Variants in KCNMA1 observed in about 807,000 individuals in gnomAD.
The protein encoded by KCNMA1 is potassium calcium-activated channel subfamily M alpha 1.
KCNMA1 carries 29 observed loss-of-function variants against 140.0 expected under a neutral mutation model. That is an observed-to-expected ratio of 0.21 (90% CI 0.15 to 0.28). The LOEUF (loss-of-function observed/expected upper bound fraction) is 0.28. KCNMA1 is among the 10% of genes least tolerant of loss of function. The probability of loss-of-function intolerance (pLI) is 1.00; values close to 1 mark genes in which losing one functional copy is unlikely to be tolerated. For missense variants in KCNMA1, 880 were observed against 1,602.2 expected (o/e 0.55, Z 7.70); for synonymous variants, 612 against 611.9 (o/e 1.00, Z 0.00).
At chr10:77,472,117 C>T (rs1024995125) in intron 1 of KCNMA1, among the ~76,000 whole-genome samples, 6 of 150,894 alleles carry the variant, frequency 4.0e-5, no homozygotes, top group East Asian at 2.0e-4. Flanking sequence ...CCACACACCA[C>T]GCATTCTGCA....
At chr10:76,947,354 C>T (rs923289486) in intron 22 of KCNMA1, among the ~76,000 whole-genome samples, 5 of 151,962 alleles carry the variant, frequency 3.3e-5, no homozygotes, top group African/African-American at 1.2e-4. Context: ...AACAAACAAA[C>T]AAAAACAAAC....
At chr10:77,059,924 A>G (rs2095675094) in intron 14 of KCNMA1, among the ~76,000 whole-genome samples, 1 of 152,188 alleles carries the variant, frequency 6.6e-6, no homozygotes, top group Admixed American at 6.5e-5. Flanking sequence ...ACATACCACC[A>G]ATGAACAATT....
chr10:77,084,135 T>A (rs1482452276), intron 12 of KCNMA1, among the ~76,000 whole-genome samples: 1 of 151,980 alleles, frequency 6.6e-6, no homozygotes, highest in East Asian at 1.9e-4. Context: ...CAATTCTCTG[T>A]TTTGGGGGCT....
intron 19 of KCNMA1, among the ~76,000 whole-genome samples, chr10:76,978,788 A>G (rs1043545479): frequency 6.6e-6 from 1 of 152,180 alleles, no homozygotes; most frequent in African/African-American, 2.4e-5. Flanking sequence ...GCTCACACCC[A>G]TGGCTACAGC....
intron 5 of KCNMA1, among the ~76,000 whole-genome samples, chr10:77,131,553 C>T (rs1321283235): frequency 1.3e-5 from 2 of 152,032 alleles, no homozygotes; most frequent in South Asian, 2.1e-4. Context: ...GAGTGGTTAC[C>T]TTTGTGGGGT....
At chr10:77,115,078 TAA>T (rs1362511995) in intron 6 of KCNMA1, among the ~76,000 whole-genome samples, 2 of 152,258 alleles carry the variant, frequency 1.3e-5, no homozygotes, top group Admixed American at 1.3e-4. Flanking sequence ...TTATGTATAC[TAA>T]GTCATTTAAT....
chr10:77,542,965 A>G (rs1336506467), intron 1 of KCNMA1, among the ~76,000 whole-genome samples: 3 of 152,284 alleles, frequency 2.0e-5, no homozygotes, highest in Middle Eastern at 3.4e-3. Context: ...ATTGAGAACT[A>G]TTAGAAAAAG....
At chr10:77,439,121 A>C (rs898119913) in intron 1 of KCNMA1, among the ~76,000 whole-genome samples, 1 of 145,166 alleles carries the variant, frequency 6.9e-6, no homozygotes, top group Admixed American at 6.9e-5. Flanking sequence ...AGAAGAGAAG[A>C]GAAGAGAAGA....
At position 77,049,310 on chromosome 10, in the gene KCNMA1, T is replaced by C. The variant is rs1327270724; in HGVS notation, c.1750-9673A>G. Among the ~76,000 whole-genome samples, 6 of 152,220 alleles carry C rather than the reference T, an allele frequency of 3.9e-5. No individual in the cohort carries two copies. The South Asian group carries it at 1.2e-3, about 31-fold the overall frequency. On this transcript the variant is annotated intron_variant, in intron 14 of 27. Coordinates refer to ENST00000286628, the MANE Select transcript of KCNMA1 (RefSeq NM_001161352.2). The stretch of plus-strand genomic sequence containing the variant: ...TCCTCATTTCACCAATGTGCTGTGC[T>C]GTCCCTGCCTTAATGGGAATAGTAA...
At chr10:77,459,882 A>G (rs2097829660) in intron 1 of KCNMA1, among the ~76,000 whole-genome samples, 1 of 152,232 alleles carries the variant, frequency 6.6e-6, no homozygotes, top group African/African-American at 2.4e-5. Context: ...AAGTGGACAC[A>G]ATAACAATAA....
intron 2 of KCNMA1, among the ~76,000 whole-genome samples, chr10:77,335,866 C>T (rs1312235369): frequency 5.3e-5 from 8 of 152,156 alleles, no homozygotes; most frequent in Non-Finnish European, 1.0e-4. Flanking sequence ...AGGTCTGACT[C>T]CAAGACCCAT....
intron 2 of KCNMA1, among the ~76,000 whole-genome samples, chr10:77,251,907 C>T (rs12778094): frequency 0.18 from 27,596 of 152,098 alleles, 2,746 homozygotes; most frequent in Middle Eastern, 0.23. Context: ...TTGAAGATCA[C>T]AAATTTGCTC....
intron 2 of KCNMA1, among the ~76,000 whole-genome samples, chr10:77,392,294 T>G (rs529271553): frequency 7.2e-5 from 8 of 111,668 alleles, no homozygotes; most frequent in Non-Finnish European, 1.1e-4. Flanking sequence ...GGAAGGAAGG[T>G]AAGGGAGGCA....
intron 2 of KCNMA1, among the ~76,000 whole-genome samples, chr10:77,260,618 A>C (rs912735026): frequency 2.0e-5 from 3 of 152,190 alleles, no homozygotes; most frequent in Non-Finnish European, 4.4e-5. Context: ...CTGAGGCATG[A>C]AAATTGCTTG....
At chr10:77,390,759 C>A (rs886377208) in intron 2 of KCNMA1, among the ~76,000 whole-genome samples, 1 of 152,196 alleles carries the variant, frequency 6.6e-6, no homozygotes, top group East Asian at 1.9e-4. Flanking sequence ...CTGGGCAAGT[C>A]GGGGCTCAGA....
chr10:77,477,843 T>A (rs1343035781), intron 1 of KCNMA1, among the ~76,000 whole-genome samples: 1 of 152,336 alleles, frequency 6.6e-6, no homozygotes, highest in East Asian at 1.9e-4. Flanking sequence ...AAGAAACTGC[T>A]ATTTTTAGGA....
chr10:77,562,305 C>A (rs1041292523), intron 1 of KCNMA1, among the ~76,000 whole-genome samples: 9 of 152,118 alleles, frequency 5.9e-5, no homozygotes, highest in Non-Finnish European at 1.0e-4. Context: ...TTAGTAAGCA[C>A]CTGAATTTTG....
chr10:77,428,836 T>C (rs536166750), intron 1 of KCNMA1, among the ~76,000 whole-genome samples: 43 of 152,198 alleles, frequency 2.8e-4, no homozygotes, highest in Non-Finnish European at 6.0e-4. Flanking sequence ...AGCCAGATAG[T>C]CTTCTTGGAA....
At chr10:77,412,820 AG>A (rs1473427183) in intron 1 of KCNMA1, among the ~76,000 whole-genome samples, 1 of 152,176 alleles carries the variant, frequency 6.6e-6, no homozygotes, top group Non-Finnish European at 1.5e-5. Context: ...CCTGAGTAAA[AG>A]TCCATAGGCC....
Sources: gnomAD v4.1 joint callset for allele counts (sites outside exome capture counted in the v4.1 genomes callset) on GRCh38, gnomAD v4.1.1 for gene constraint, MANE v1.5 for transcripts, NCBI Gene and HGNC (gene_info 2026-07-23, HGNC 2026-07-21) for gene names.